SGPP2: variants seen among roughly 807,000 people sequenced by gnomAD.
SGPP2 encodes the protein sphingosine 1-phosphate phosphohydrolase 2.
In SGPP2, 30 loss-of-function variants were observed where a neutral mutation model predicts 33.9. The observed-to-expected ratio is 0.89, with a 90% CI of 0.66 to 1.20. The LOEUF is 1.20. Ranked by LOEUF, SGPP2 falls within the 50% of genes most tolerant of loss-of-function variation. The pLI, the probability that SGPP2 is intolerant of heterozygous loss-of-function variation, is 0.00. For missense variants in SGPP2, 458 were observed against 532.1 expected, an observed-to-expected ratio of 0.86 and a Z score of 1.37; for synonymous variants, 233 against 225.0, an observed-to-expected ratio of 1.04 and a Z score of -0.32.
intron 2 of SGPP2, among the ~76,000 whole-genome samples, chr2:222,520,918 C>T (rs1166825007): frequency 6.6e-6 from 1 of 152,022 alleles, no homozygotes; most frequent in Non-Finnish European, 1.5e-5. Context: ...CACCATCACA[C>T]CTGACAAATT....
At chr2:222,514,896 A>G (rs1426003134) in intron 2 of SGPP2, among the ~76,000 whole-genome samples, 1 of 151,850 alleles carries the variant, frequency 6.6e-6, no homozygotes, top group African/African-American at 2.4e-5. Flanking sequence ...CTTCAAAACC[A>G]CTTCCACATG....
chr2:222,491,627 T>A (rs935242867), intron 2 of SGPP2, among the ~76,000 whole-genome samples: 1 of 152,146 alleles, frequency 6.6e-6, no homozygotes, highest in Admixed American at 6.5e-5. Flanking sequence ...AGGTGCAGAT[T>A]ATGGGGTTAC....
chr2:222,506,221 A>G (rs983645781), intron 2 of SGPP2, among the ~76,000 whole-genome samples: 2 of 152,244 alleles, frequency 1.3e-5, no homozygotes, highest in African/African-American at 4.8e-5. Context: ...AGGAAATTAC[A>G]TCACAGTAAA....
intron 2 of SGPP2, among the ~76,000 whole-genome samples, chr2:222,493,054 A>G (rs1471531470): frequency 1.3e-5 from 2 of 152,146 alleles, no homozygotes; most frequent in African/African-American, 4.8e-5. Flanking sequence ...GAGCCCTCCA[A>G]ACTGTTCCAA....
At chr2:222,530,286 C>T (rs1025763893) in intron 4 of SGPP2, among the ~76,000 whole-genome samples, 2 of 152,192 alleles carry the variant, frequency 1.3e-5, no homozygotes, top group African/African-American at 2.4e-5. Flanking sequence ...GAGCATTAGC[C>T]TGTCCTTTGA....
chr2:222,530,563 C>A (rs1008640592), intron 4 of SGPP2, among the ~76,000 whole-genome samples: 1 of 152,188 alleles, frequency 6.6e-6, no homozygotes, highest in Admixed American at 6.5e-5. Context: ...TTTTTTTCTG[C>A]AGCTTCCTCA....
chr2:222,558,261 C>CA, intron 4 of SGPP2, 86 bp from the exon 5 acceptor site: 1 of 1,373,206 alleles, frequency 7.3e-7, no homozygotes, highest in South Asian at 1.4e-5. Context: ...TTTTAAATAT[C>CA]AAATTAGCCA....
intron 2 of SGPP2, among the ~76,000 whole-genome samples, chr2:222,486,307 A>T (rs1420835654): frequency 6.6e-6 from 1 of 152,080 alleles, no homozygotes; most frequent in East Asian, 1.9e-4. Context: ...TGGTGCCTGA[A>T]GCCCTGGCCA....
At chr2:222,524,843 T>A (rs1698732950) in intron 3 of SGPP2, 101 bp from the exon 4 acceptor site, 1 of 897,074 alleles carries the variant, frequency 1.1e-6, no homozygotes, top group Non-Finnish European at 1.7e-6. Flanking sequence ...AGATTTGGAC[T>A]AGCAATTCTT....
At chr2:222,472,959 A>C (rs967352834) in intron 1 of SGPP2, among the ~76,000 whole-genome samples, 3 of 152,184 alleles carry the variant, frequency 2.0e-5, no homozygotes, top group Non-Finnish European at 2.9e-5. Flanking sequence ...GGTTGCAGTG[A>C]GCCAAGATAG....
chr2:222,525,819 G>T (rs1331033855), intron 4 of SGPP2, among the ~76,000 whole-genome samples: 2 of 152,284 alleles, frequency 1.3e-5, no homozygotes, highest in African/African-American at 4.8e-5. Context: ...AAAAAAACCT[G>T]GGAGGGAAAG....
At chr2:222,435,653 T>G (rs1574829216) in intron 1 of SGPP2, among the ~76,000 whole-genome samples, 1 of 152,310 alleles carries the variant, frequency 6.6e-6, no homozygotes, top group Middle Eastern at 3.4e-3. Flanking sequence ...TAACAATACT[T>G]AAATGCTGAT....
chr2:222,527,248 G>A (rs964074279), intron 4 of SGPP2, among the ~76,000 whole-genome samples: 5 of 152,122 alleles, frequency 3.3e-5, no homozygotes, highest in Admixed American at 3.3e-4. Context: ...GTAGACAACA[G>A]AATAGTGTAA....
rs1488081264 is a variant in SGPP2 at position 222,562,449 on chromosome 2, T to G, written c.*3551T>G. 6.6e-6 allele frequency among the ~76,000 whole-genome samples: 1 copy of G among 152,196 alleles called. No individual in the cohort carries two copies. The highest frequency in any genetic ancestry group is 1.5e-5 in the Non-Finnish European group (1 of 68,038). On this transcript the variant is annotated 3_prime_UTR_variant, in exon 5 of 5. Coordinates refer to ENST00000321276, the MANE Select transcript of SGPP2 (RefSeq NM_152386.4). ...GTAACATGGGATTTTCTCACCCAAA[T>G]AGGCAACTCATGCTTCCTGAGTGTA...
chr2:222,442,763 T>C (rs1452307193), intron 1 of SGPP2, among the ~76,000 whole-genome samples: 1 of 152,252 alleles, frequency 6.6e-6, no homozygotes, highest in Non-Finnish European at 1.5e-5. Context: ...AAGTATCTAA[T>C]GGTTTTTGAA....
chr2:222,512,998 G>A (rs1186008672), intron 2 of SGPP2, among the ~76,000 whole-genome samples: 1 of 152,234 alleles, frequency 6.6e-6, no homozygotes, highest in African/African-American at 2.4e-5. Flanking sequence ...ACCAAAGAGT[G>A]TGACATCTGA....
chr2:222,502,563 T>C (rs888184961), intron 2 of SGPP2, among the ~76,000 whole-genome samples: 6 of 152,228 alleles, frequency 3.9e-5, no homozygotes, highest in African/African-American at 1.4e-4. Flanking sequence ...TCAAAAGATG[T>C]TGGAGTTTGG....
At chr2:222,431,189 T>TAAAA (rs71053081) in intron 1 of SGPP2, among the ~76,000 whole-genome samples, 1 of 148,692 alleles carries the variant, frequency 6.7e-6, no homozygotes. Flanking sequence ...AAACTTTTCT[T>TAAAA]AAAAAAAAAA....
intron 1 of SGPP2, among the ~76,000 whole-genome samples, chr2:222,443,186 CAT>C (rs1241242260): frequency 2.6e-5 from 4 of 152,230 alleles, no homozygotes; most frequent in East Asian, 1.9e-4. Context: ...CCCTATGAAT[CAT>C]ATATTTTTTT....
Sources: allele counts gnomAD v4.1 joint callset (sites outside exome capture counted in the v4.1 genomes callset), GRCh38; gene constraint gnomAD v4.1.1; transcripts MANE v1.5; gene names NCBI Gene and HGNC (gene_info 2026-07-23, HGNC 2026-07-21).